YAP1: variants seen among roughly 807,000 people sequenced by gnomAD.
The protein encoded by YAP1 is Yes1 associated transcriptional regulator, also known as transcriptional coactivator YAP1.
In YAP1, 5 loss-of-function variants were observed where a neutral mutation model predicts 56.9. That is an observed-to-expected ratio of 0.09 (90% CI 0.05 to 0.18). The LOEUF is 0.18. Among genes scored for constraint, YAP1 ranks in the 10% least tolerant of loss-of-function variants. YAP1 has a pLI of 1.00. For missense variants in YAP1, 539 were observed against 651.8 expected, an observed-to-expected ratio of 0.83 and a Z score of 1.88; for synonymous variants, 265 against 248.1, an observed-to-expected ratio of 1.07 and a Z score of -0.64.
chr11:102,192,476 A>G (rs1948346257), intron 4 of YAP1, among the ~76,000 whole-genome samples: 1 of 152,232 alleles, frequency 6.6e-6, no homozygotes, highest in African/African-American at 2.4e-5. Flanking sequence ...TCCACATGAT[A>G]GTTACAACAA....
At chr11:102,158,145 A>C (rs1565212150) in intron 2 of YAP1, among the ~76,000 whole-genome samples, 1 of 152,196 alleles carries the variant, frequency 6.6e-6, no homozygotes, top group Non-Finnish European at 1.5e-5. Flanking sequence ...CGGTTTTACA[A>C]GTTTTTTAGT....
chr11:102,229,877 T>A lies in YAP1; in HGVS notation c.1452T>A (p.Asn484Lys), dbSNP rs1363091172. The A allele has an allele frequency of 6.2e-7, 1 of 1,614,154 alleles. No individual in the cohort carries two copies. Among genetic ancestry groups the A allele is most frequent in the South Asian group, 1.1e-5 (1 of 91,082 alleles). Reference protein sequence around the residue: ...LQEALSSDILNDMESVLAATK... With the variant: ...LQEALSSDILKDMESVLAATK... ...AAGCTTTGAGTTCTGACATCCTTAA[T>A]GACATGGAGTCTGTTTTGGCTGCCA... The change falls in exon 9 of 9, where the codon AAT becomes AAA. Residue 484 changes from asparagine to lysine, a missense_variant. Asn to Lys is a moderately conservative substitution (Grantham distance 94). This residue lies in a region of YAP1 where 12 missense variants were observed against 31.2 expected (regional missense o/e 0.38). Transcript: ENST00000282441.
chr11:102,131,917 TACCAA>T (rs1944387013), intron 2 of YAP1, among the ~76,000 whole-genome samples: 1 of 152,026 alleles, frequency 6.6e-6, no homozygotes, highest in Non-Finnish European at 1.5e-5. Flanking sequence ...GTAAAAGTGA[TACCAA>T]GCCTGGCCAA....
intron 3 of YAP1, among the ~76,000 whole-genome samples, chr11:102,163,236 G>T (rs987036622): frequency 6.6e-6 from 1 of 152,034 alleles, no homozygotes; most frequent in Non-Finnish European, 1.5e-5. Flanking sequence ...ACATAATGGG[G>T]AGTAACAGTG....
chr11:102,182,490 C>G (rs888683598), intron 3 of YAP1, among the ~76,000 whole-genome samples: 2 of 152,112 alleles, frequency 1.3e-5, no homozygotes, highest in African/African-American at 4.8e-5. Flanking sequence ...TTTTTGCTTT[C>G]TCTCCTTTTC....
intron 2 of YAP1, among the ~76,000 whole-genome samples, chr11:102,123,647 T>TTTTTTTTTTTTTTTTTC (rs1565429580): frequency 1.6e-5 from 2 of 125,320 alleles, no homozygotes; most frequent in Non-Finnish European, 1.7e-5. Flanking sequence ...TTTTTTTTTC[T>TTTTTTTTTTTTTTTTTC]TTTTTTTTTC....
At chr11:102,150,195 G>C (rs953676320) in intron 2 of YAP1, among the ~76,000 whole-genome samples, 2 of 151,908 alleles carry the variant, frequency 1.3e-5, no homozygotes, top group East Asian at 1.9e-4. Flanking sequence ...TGTTGGCCAG[G>C]CTGGTCTTGA....
chr11:102,201,815 A>G (rs1297322637), intron 4 of YAP1, among the ~76,000 whole-genome samples: 1 of 152,170 alleles, frequency 6.6e-6, no homozygotes, highest in South Asian at 2.1e-4. Context: ...AAAGCAACAG[A>G]ATAATAATAG....
chr11:102,219,926 GT>G (rs1243452356), intron 6 of YAP1, among the ~76,000 whole-genome samples: 5 of 151,730 alleles, frequency 3.3e-5, no homozygotes, highest in African/African-American at 1.2e-4. Context: ...TAGAGACGGG[GT>G]TTCACCATGT....
chr11:102,180,983 C>A, intron 3 of YAP1, among the ~76,000 whole-genome samples: 1 of 151,742 alleles, frequency 6.6e-6, no homozygotes, highest in East Asian at 1.9e-4. Context: ...CCCATCTCTA[C>A]AGAAAAATTT....
chr11:102,180,420 C>T (rs1228601754), intron 3 of YAP1, among the ~76,000 whole-genome samples: 10 of 151,922 alleles, frequency 6.6e-5, no homozygotes, highest in Non-Finnish European at 1.0e-4. Context: ...TGGTGGCTCA[C>T]GCCTGTAATC....
chr11:102,132,924 C>T (rs1438482005), intron 2 of YAP1, among the ~76,000 whole-genome samples: 2 of 151,988 alleles, frequency 1.3e-5, no homozygotes, highest in Non-Finnish European at 1.5e-5. Context: ...TTTGGGAGGC[C>T]GAGGCAGGAG....
intron 3 of YAP1, among the ~76,000 whole-genome samples, chr11:102,178,516 A>G (rs1947399155): frequency 6.6e-6 from 1 of 152,330 alleles, no homozygotes; most frequent in South Asian, 2.1e-4. Flanking sequence ...GCAGGAAGTT[A>G]ATGGTGAGTC....
chr11:102,198,891 C>T (rs188078723), intron 4 of YAP1, among the ~76,000 whole-genome samples: 1 of 152,064 alleles, frequency 6.6e-6, no homozygotes, highest in Middle Eastern at 3.4e-3. Context: ...GCTCAATCTC[C>T]ACTACCTTTT....
At chr11:102,188,225 T>C (rs1356440342) in intron 4 of YAP1, among the ~76,000 whole-genome samples, 1 of 152,204 alleles carries the variant, frequency 6.6e-6, no homozygotes, top group Non-Finnish European at 1.5e-5. Flanking sequence ...ACAAATGGTG[T>C]AGGATATTGC....
intron 5 of YAP1, among the ~76,000 whole-genome samples, chr11:102,206,586 C>T (rs572822854): frequency 6.6e-6 from 1 of 152,316 alleles, no homozygotes; most frequent in East Asian, 1.9e-4. Context: ...TGGCTCATGC[C>T]TGTAATCCCA....
chr11:102,212,207 A>G (rs1377037391), intron 6 of YAP1, among the ~76,000 whole-genome samples: 1 of 152,232 alleles, frequency 6.6e-6, no homozygotes, highest in East Asian at 1.9e-4. Flanking sequence ...AGCAAGCAAT[A>G]GTGAGATCAG....
chr11:102,180,418 C>A (rs566271969), intron 3 of YAP1, among the ~76,000 whole-genome samples: 2 of 151,794 alleles, frequency 1.3e-5, no homozygotes, highest in South Asian at 2.1e-4. Context: ...CGTGGTGGCT[C>A]ACGCCTGTAA....
In YAP1 at chr11:102,114,313, C is replaced by T. The variant is rs1943144684; in HGVS notation, c.491C>T (p.Ser164Phe). The change falls in exon 2 of 9, where the codon TCT becomes TTT. Residue 164 changes from serine to phenylalanine, a missense_variant. Transcript: ENST00000282441. ...TPTAQHLRQSSFEIPDDVPLP... is the reference protein window; with the variant it reads ...TPTAQHLRQSFFEIPDDVPLP... ...ACAGCTCAGCATCTTCGACAGTCTT[C>T]TTTTGAGATACCTGATGATGTACCT... is the stretch of plus-strand genomic sequence containing the variant. 10 of 1,614,162 alleles carry T rather than the reference C, an allele frequency of 6.2e-6. No homozygotes were observed. The highest frequency in any genetic ancestry group is 8.5e-6 in the Non-Finnish European group (10 of 1,180,020).
Sources: allele counts gnomAD v4.1 joint callset (sites outside exome capture counted in the v4.1 genomes callset), GRCh38; gene constraint gnomAD v4.1.1; regional missense constraint gnomAD v4.1.1; transcripts MANE v1.5; gene names NCBI Gene and HGNC (gene_info 2026-07-23, HGNC 2026-07-21).